Variants in SPOCK1 observed in about 807,000 individuals in gnomAD.
SPOCK1 encodes testican-1.
A neutral mutation model predicts 55.3 loss-of-function variants in SPOCK1; 23 were observed. The observed-to-expected ratio is 0.42, with a 90% CI of 0.30 to 0.59. The LOEUF (loss-of-function observed/expected upper bound fraction) is 0.59. SPOCK1 is among the 20% of genes least tolerant of loss of function. SPOCK1 has a pLI of 0.22. For missense variants in SPOCK1, 499 were observed against 552.5 expected (o/e 0.90, Z 0.97); for synonymous variants, 226 against 221.0 (o/e 1.02, Z -0.20).
At chr5:137,474,289 G>GTATACACC (rs1561545231) in intron 2 of SPOCK1, among the ~76,000 whole-genome samples, 1 of 152,052 alleles carries the variant, frequency 6.6e-6, no homozygotes, top group African/African-American at 2.4e-5. Context: ...TTATCAGTAC[G>GTATACACC]GTAATTCCTA....
rs1750642501 is a variant in SPOCK1, at chr5:136,977,567, G to A, written c.*1087C>T. ...TACTCTCAGAGAACAGGAGATATGT[G>A]TGCATGCCTTAGAAAAAGCCCTTGA... On this transcript the variant is annotated 3_prime_UTR_variant, in exon 11 of 11. Transcript: ENST00000394945. 2 of 379,942 alleles carry A rather than the reference G, an allele frequency of 5.3e-6. No individual in the cohort carries two copies. The highest frequency in any genetic ancestry group is 9.3e-6 in the Non-Finnish European group (2 of 214,884). 23.5% of individuals were successfully genotyped at this position (379,942 alleles called of 1,614,324 possible).
intron 2 of SPOCK1, among the ~76,000 whole-genome samples, chr5:137,477,157 T>C (rs1270833119): frequency 6.6e-6 from 1 of 152,202 alleles, no homozygotes; most frequent in African/African-American, 2.4e-5. Context: ...ATGCTCAAAG[T>C]ATATGCCATG....
intron 2 of SPOCK1, among the ~76,000 whole-genome samples, chr5:137,387,586 G>T (rs1263304208): frequency 6.6e-6 from 1 of 152,234 alleles, no homozygotes. Context: ...TTAGGGCAGT[G>T]AAACTAGTCT....
chr5:137,461,449 A>G (rs1348408913), intron 2 of SPOCK1, among the ~76,000 whole-genome samples: 2 of 152,218 alleles, frequency 1.3e-5, no homozygotes, highest in Non-Finnish European at 2.9e-5. Context: ...ACTTCCAGAA[A>G]TGTCTTCATT....
intron 2 of SPOCK1, among the ~76,000 whole-genome samples, chr5:137,403,269 C>T (rs565091785): frequency 3.0e-4 from 46 of 152,200 alleles, no homozygotes; most frequent in Non-Finnish European, 5.6e-4. Flanking sequence ...CCCTGCTGGG[C>T]AGTATGCACC....
At chr5:137,384,586 ATT>A (rs34256200) in intron 2 of SPOCK1, among the ~76,000 whole-genome samples, 10 of 146,512 alleles carry the variant, frequency 6.8e-5, no homozygotes, top group Admixed American at 2.0e-4. Flanking sequence ...ATATGTATGT[ATT>A]TTTTTTTCCC....
chr5:137,158,127 CCCAA>C lies in SPOCK1; in HGVS notation c.233-17437_233-17434del, dbSNP rs542837135. On this transcript the variant is annotated intron_variant, in intron 3 of 10. Transcript: ENST00000394945. The stretch of plus-strand genomic sequence containing the variant: ...TTTTTGTGATGTGGGGTCCCAAATG[CCCAA>C]TCCCCAGTAAAAAGACAGATGTGCC... Among the ~76,000 whole-genome samples the C allele has an allele frequency of 9.9e-4, 151 of 152,248 alleles. 3 individuals carry two copies. The Middle Eastern group carries it at 0.024, about 24-fold the overall frequency.
At chr5:136,982,927 A>C (rs1750759873) in intron 9 of SPOCK1, among the ~76,000 whole-genome samples, 2 of 152,206 alleles carry the variant, frequency 1.3e-5, no homozygotes, top group Admixed American at 1.3e-4. Flanking sequence ...TTGTAGGTTC[A>C]TAATTATTTC....
intron 3 of SPOCK1, among the ~76,000 whole-genome samples, chr5:137,190,677 C>A (rs1422304382): frequency 1.3e-5 from 2 of 152,112 alleles, no homozygotes; most frequent in East Asian, 3.9e-4. Flanking sequence ...GAATCTTTGT[C>A]ATACTGTTCT....
chr5:137,160,703 C>A (rs1361794529), intron 3 of SPOCK1, among the ~76,000 whole-genome samples: 1 of 117,254 alleles, frequency 8.5e-6, no homozygotes, highest in Non-Finnish European at 1.7e-5. Context: ...TGGCCATAAT[C>A]AAAAAATCAA....
At chr5:137,354,452 C>G (rs796874562) in intron 2 of SPOCK1, among the ~76,000 whole-genome samples, 1 of 152,162 alleles carries the variant, frequency 6.6e-6, no homozygotes, top group Admixed American at 6.5e-5. Flanking sequence ...CTCCTCAGTC[C>G]CTCCCTGGGG....
intron 3 of SPOCK1, among the ~76,000 whole-genome samples, chr5:137,257,291 C>T (rs948631330): frequency 1.3e-5 from 2 of 151,168 alleles, no homozygotes; most frequent in African/African-American, 4.9e-5. Flanking sequence ...ATGTTTGTGT[C>T]CCCCCCCAAA....
intron 2 of SPOCK1, among the ~76,000 whole-genome samples, chr5:137,298,710 TG>T (rs1156992593): frequency 6.6e-6 from 1 of 152,204 alleles, no homozygotes; most frequent in Non-Finnish European, 1.5e-5. Context: ...TTAGGTTTTC[TG>T]GGTGAACTGA....
At chr5:137,160,608 ATATATAATATATATTT>A (rs1315385988) in intron 3 of SPOCK1, among the ~76,000 whole-genome samples, 1 of 49,486 alleles carries the variant, frequency 2.0e-5, no homozygotes, top group Non-Finnish European at 3.8e-5. Context: ...ATTATATATA[ATATATAATATATATTT>A]TATATAATAT....
intron 2 of SPOCK1, among the ~76,000 whole-genome samples, chr5:137,323,896 A>G (rs1580866971): frequency 6.6e-6 from 1 of 152,038 alleles, no homozygotes. Flanking sequence ...TAGTACAGCC[A>G]TTACGGAAAA....
intron 4 of SPOCK1, among the ~76,000 whole-genome samples, chr5:137,132,904 G>A (rs1214168318): frequency 1.6e-4 from 24 of 152,148 alleles, no homozygotes; most frequent in Admixed American, 1.5e-3. Context: ...AAACTACCAG[G>A]CCAGGCAGGA....
At chr5:137,094,970 G>A (rs1315644952) in intron 5 of SPOCK1, among the ~76,000 whole-genome samples, 1 of 152,126 alleles carries the variant, frequency 6.6e-6, no homozygotes, top group East Asian at 1.9e-4. Context: ...TGAACACTTA[G>A]AGGCCACTAC....
chr5:137,183,694 G>A (rs1251516488), intron 3 of SPOCK1, among the ~76,000 whole-genome samples: 2 of 152,216 alleles, frequency 1.3e-5, no homozygotes, highest in Admixed American at 6.5e-5. Context: ...AGGGAAGGCT[G>A]AGAGAGCCTC....
Position 137,112,662 on chromosome 5 carries a change from T to C in SPOCK1, c.348-101A>G, listed in dbSNP as rs1425326673. 3.4e-6 allele frequency: 5 copies of C among 1,451,596 alleles called. No individual in the cohort carries two copies. In the East Asian group the frequency reaches 9.5e-5, roughly 28 times the overall value. 89.9% of individuals were successfully genotyped at this position (1,451,596 alleles called of 1,614,324 possible). A position where few individuals can be genotyped will look rare whatever the true frequency, so the allele number is the denominator to read the frequency against. The stretch of plus-strand genomic sequence containing the variant: ...AAAAGGCCAAATAAATAAAGGACTA[T>C]CCAACCAGGCCAAGGGATCCTGAGG... On this transcript the variant is annotated intron_variant, in intron 4 of 10. Coordinates refer to ENST00000394945, the MANE Select transcript of SPOCK1 (RefSeq NM_004598.4).
Sources: gnomAD v4.1 joint callset for allele counts (sites outside exome capture counted in the v4.1 genomes callset) on GRCh38, gnomAD v4.1.1 for gene constraint, MANE v1.5 for transcripts, NCBI Gene and HGNC (gene_info 2026-07-23, HGNC 2026-07-21) for gene names.